NAA40: variants seen among roughly 807,000 people sequenced by gnomAD.
The protein encoded by NAA40 is N-alpha-acetyltransferase 40.
Under a neutral mutation model 36.6 loss-of-function variants are expected in NAA40, and 26 were observed. That is an observed-to-expected ratio of 0.71 (90% CI 0.52 to 0.98). The LOEUF (loss-of-function observed/expected upper bound fraction) is 0.98. Among genes scored for constraint, NAA40 ranks in the 50% least tolerant of loss-of-function variants. NAA40 has a pLI of 0.00. For synonymous variants in NAA40, 129 were observed against 108.4 expected (o/e 1.19, Z -1.18); for missense variants, 237 against 306.5 (o/e 0.77, Z 1.69).
chr11:63,957,212 A>ATATATATATATATTTT lies in NAA40; in HGVS notation c.*2734_*2735insATATATATATATTTTT, dbSNP rs1278673521. ...CCTTGATATATATATATATATATAT[A>ATATATATATATATTTT]TTTTTTTTTTTCTTTAGCAGCTTGT... On this transcript the variant is annotated 3_prime_UTR_variant, in exon 8 of 8. Coordinates refer to ENST00000377793, the MANE Select transcript of NAA40 (RefSeq NM_024771.4). 1.7e-4 allele frequency: 11 copies of ATATATATATATATTTT among 64,316 alleles called. No individual in the cohort carries two copies. Among genetic ancestry groups the ATATATATATATATTTT allele is most frequent in the African/African-American group, 4.2e-4 (10 of 23,980 alleles). 4.0% of individuals were successfully genotyped at this position (64,316 alleles called of 1,614,324 possible). A position where few individuals can be genotyped will look rare whatever the true frequency, so the allele number is the denominator to read the frequency against.
Position 63,954,470 on chromosome 11 carries a change from C to T in NAA40, c.705C>T (p.Cys235=). 2.5e-6 allele frequency: 4 copies of T among 1,597,608 alleles called. No individual in the cohort carries two copies. The highest frequency in any genetic ancestry group is 2.2e-5 in the East Asian group (1 of 44,660). ...HSHAGGHCGG[C]CH is the part of the protein sequence containing the mutation. The stretch of plus-strand genomic sequence containing the variant: ...ACGCGGGTGGGCACTGTGGTGGCTG[C>T]TGCCACTGAACTCTCAGAGCCACTT... Residue 235 remains cysteine, a synonymous_variant, in exon 8 of 8, where the codon TGC becomes TGT. Coordinates refer to ENST00000377793, the MANE Select transcript of NAA40 (RefSeq NM_024771.4).
At chr11:63,939,154 C>T in intron 1 of NAA40, 52 bp downstream of exon 1, 2 of 1,558,514 alleles carry the variant, frequency 1.3e-6, no homozygotes, top group Non-Finnish European at 1.7e-6. Context: ...TCCTCGCTAC[C>T]CTCGCCCCCT....
chr11:63,944,447 T>C (rs759835193), intron 1 of NAA40, among the ~76,000 whole-genome samples: 10 of 152,170 alleles, frequency 6.6e-5, no homozygotes, highest in South Asian at 2.1e-4. Context: ...GCAGTCTGCA[T>C]GCCTGTGCTC....
chr11:63,949,934 T>C (rs1027869340), intron 3 of NAA40, among the ~76,000 whole-genome samples: 2 of 151,294 alleles, frequency 1.3e-5, no homozygotes, highest in Non-Finnish European at 2.9e-5. Flanking sequence ...TTAGTAGAGA[T>C]GGGGTTTCAC....
Position 63,956,624 on chromosome 11 carries a change from C to G in NAA40, c.*2145C>G, listed in dbSNP as rs1942369559. The G allele has an allele frequency of 6.6e-6, 1 of 152,616 alleles. No homozygotes were observed. The highest frequency in any genetic ancestry group is 2.4e-5 in the African/African-American group (1 of 41,426). 9.5% of individuals were successfully genotyped at this position (152,616 alleles called of 1,614,324 possible). On this transcript the variant is annotated 3_prime_UTR_variant, in exon 8 of 8. Coordinates refer to ENST00000377793, the MANE Select transcript of NAA40 (RefSeq NM_024771.4). ...GCAATCACTCTTGTTGGTCTTGAGC[C>G]CATTCATTTCCAAAACATCCATCTT... is the stretch of plus-strand genomic sequence containing the variant.
At position 63,952,244 on chromosome 11, in the gene NAA40, T is replaced by C. The variant is rs147164261; in HGVS notation, c.162T>C (p.Asn54=). ...CGTCCTGTCCTCTTCTCAGGTTGAATGTCTCCATTGAATGTAAGCGAGTGT... is the reference window on the plus strand; with the variant it reads ...CGTCCTGTCCTCTTCTCAGGTTGAACGTCTCCATTGAATGTAAGCGAGTGT... ...VFKKYDRNGL[N]VSIECKRVSG... is the part of the protein sequence containing the mutation. The change falls in exon 4 of 8, where the codon AAT becomes AAC. Residue 54 remains asparagine, a synonymous_variant. Transcript: ENST00000377793. 8.7e-5 allele frequency: 140 copies of C among 1,611,394 alleles called. 1 individual carries two copies. The African/African-American group carries it at 1.7e-3, about 20-fold the overall frequency.
intron 3 of NAA40, among the ~76,000 whole-genome samples, chr11:63,948,631 T>G (rs1174466940): frequency 6.6e-6 from 1 of 152,020 alleles, no homozygotes; most frequent in African/African-American, 2.4e-5. Context: ...GGCAGGAGAA[T>G]GGCGTGAACC....
intron 3 of NAA40, among the ~76,000 whole-genome samples, chr11:63,949,715 T>C (rs926747766): frequency 2.7e-5 from 4 of 150,560 alleles, no homozygotes; most frequent in Middle Eastern, 3.5e-3. Flanking sequence ...ACCTGTCAAA[T>C]AGGATGATGA....
At position 63,957,213 on chromosome 11, in the gene NAA40, T is replaced by TATATATATA. The variant is rs1491564515; in HGVS notation, c.*2734_*2735insATATATATA. ...CTTGATATATATATATATATATATA[T>TATATATATA]TTTTTTTTTTCTTTAGCAGCTTGTT... On this transcript the variant is annotated 3_prime_UTR_variant, in exon 8 of 8. Coordinates refer to ENST00000377793, the MANE Select transcript of NAA40 (RefSeq NM_024771.4). The TATATATATA allele has an allele frequency of 2.1e-5, 1 of 48,068 alleles. No individual in the cohort carries two copies. The highest frequency in any genetic ancestry group is 6.0e-5 in the African/African-American group (1 of 16,754). The allele number at this position is 48,068 out of a possible 1,614,324, so 3.0% of individuals were successfully genotyped here. A position where few individuals can be genotyped will look rare whatever the true frequency, so the allele number is the denominator to read the frequency against.
chr11:63,945,710 C>A, intron 1 of NAA40, 130 bp from the exon 2 acceptor site: 1 of 782,164 alleles, frequency 1.3e-6, no homozygotes, highest in South Asian at 1.5e-5. Context: ...AAATGTGTGG[C>A]AGCAGAGGTG....
At chr11:63,949,882 C>T (rs12288308) in intron 3 of NAA40, among the ~76,000 whole-genome samples, 2,467 of 150,690 alleles carry the variant, frequency 0.016, 68 homozygotes, top group African/African-American at 0.057. Context: ...GTAGCTGGGA[C>T]TACAGGCACC....
In NAA40 at chr11:63,953,827, A is replaced by G. The variant is rs905842985; in HGVS notation, c.495-145A>G. 3 of 699,398 alleles carry G rather than the reference A, an allele frequency of 4.3e-6. No individual in the cohort carries two copies. In the African/African-American group the frequency reaches 5.3e-5, roughly 12 times the overall value. 43.3% of individuals were successfully genotyped at this position (699,398 alleles called of 1,614,324 possible). A position where few individuals can be genotyped will look rare whatever the true frequency, so the allele number is the denominator to read the frequency against. On this transcript the variant is annotated intron_variant, in intron 6 of 7. Transcript: ENST00000377793. The stretch of plus-strand genomic sequence containing the variant: ...AAATGTTTTGTAGAAATGGGGTCCC[A>G]CTATGTTTTCCAGGCTGGTCTCTAA...
intron 2 of NAA40, 174 bp downstream of exon 2, chr11:63,946,109 A>T (rs1942182091): frequency 1.6e-6 from 1 of 611,698 alleles, no homozygotes; most frequent in Admixed American, 2.9e-5. Context: ...AGTTGGCGCC[A>T]GCAGTTGGCC....
intron 1 of NAA40, 73 bp downstream of exon 1, chr11:63,939,175 AC>A: frequency 1.6e-5 from 17 of 1,041,108 alleles, no homozygotes; most frequent in South Asian, 7.4e-5. Context: ...TTGTTCTTAA[AC>A]CCCCCTCTCA....
At chr11:63,941,540 G>A (rs1590748913) in intron 1 of NAA40, among the ~76,000 whole-genome samples, 1 of 151,758 alleles carries the variant, frequency 6.6e-6, no homozygotes, top group East Asian at 1.9e-4. Context: ...CCATCTGGAT[G>A]TTTCTTTTCT....
At chr11:63,948,417 T>C (rs547769425) in intron 3 of NAA40, among the ~76,000 whole-genome samples, 1 of 152,248 alleles carries the variant, frequency 6.6e-6, no homozygotes, top group African/African-American at 2.4e-5. Flanking sequence ...TTACTTTTCT[T>C]CTTTAAAAAG....
intron 6 of NAA40, among the ~76,000 whole-genome samples, chr11:63,953,747 G>A (rs984058108): frequency 2.6e-5 from 4 of 152,140 alleles, no homozygotes; most frequent in African/African-American, 9.7e-5. Context: ...AGCCTCTGGA[G>A]TAGCTGGGAC....
At chr11:63,941,181 T>C (rs1021255293) in intron 1 of NAA40, among the ~76,000 whole-genome samples, 4 of 152,236 alleles carry the variant, frequency 2.6e-5, no homozygotes, top group Admixed American at 1.3e-4. Flanking sequence ...TGGCCTAAAA[T>C]TGACAGTAAG....
intron 3 of NAA40, among the ~76,000 whole-genome samples, chr11:63,950,229 C>T (rs546200316): frequency 1.3e-5 from 2 of 151,590 alleles, no homozygotes; most frequent in South Asian, 2.1e-4. Context: ...AGTGATTCTC[C>T]TGCCTCTACC....
Sources: allele counts gnomAD v4.1 joint callset (sites outside exome capture counted in the v4.1 genomes callset), GRCh38; gene constraint gnomAD v4.1.1; transcripts MANE v1.5; gene names NCBI Gene and HGNC (gene_info 2026-07-23, HGNC 2026-07-21).